Variants in PCDHGB2 observed in about 807,000 individuals in gnomAD.
PCDHGB2 encodes the protein protocadherin gamma subfamily B, 2.
Under a neutral mutation model 59.3 loss-of-function variants are expected in PCDHGB2, and 55 were observed. The ratio of observed to expected loss-of-function variants is 0.93; its 90% CI spans 0.75 to 1.16. The LOEUF (loss-of-function observed/expected upper bound fraction) is 1.16. PCDHGB2 is among the 50% of genes most tolerant of loss of function. The pLI is 0.00. For missense variants in PCDHGB2, 1,228 were observed against 1,198.5 expected (o/e 1.02, Z -0.36); for synonymous variants, 516 against 512.0 (o/e 1.01, Z -0.11).
chr5:141,423,775 T>A, intron 1 of PCDHGB2: 1 of 1,209,960 alleles, frequency 8.3e-7, no homozygotes, highest in Non-Finnish European at 1.1e-6. Context: ...GCGGCATATA[T>A]TTAGTTCATA....
At chr5:141,364,826 T>C in intron 1 of PCDHGB2, 1 of 1,613,980 alleles carries the variant, frequency 6.2e-7, no homozygotes, top group Non-Finnish European at 8.5e-7. Flanking sequence ...GGGTGTGAAC[T>C]CTCTCCGGAG....
intron 1 of PCDHGB2, chr5:141,373,862 A>G (rs1168900381): frequency 6.5e-6 from 3 of 464,904 alleles, no homozygotes; most frequent in Non-Finnish European, 1.1e-5. Flanking sequence ...GCTGTTGACC[A>G]ACCTGGGCAA....
intron 2 of PCDHGB2, among the ~76,000 whole-genome samples, chr5:141,497,126 C>T (rs565697662): frequency 8.2e-4 from 125 of 151,844 alleles, no homozygotes; most frequent in African/African-American, 3.0e-3. Flanking sequence ...GCAGAGGTTG[C>T]AGTGAGCTGA....
chr5:141,462,623 T>C (rs992165332), intron 1 of PCDHGB2, among the ~76,000 whole-genome samples: 3 of 150,992 alleles, frequency 2.0e-5, no homozygotes, highest in Non-Finnish European at 4.4e-5. Context: ...CTTTTAGAAG[T>C]TCCATTTGAC....
In PCDHGB2 at chr5:141,485,974, A is replaced by G. The variant is rs755735500; in HGVS notation, c.2422-8833A>G. 1.9e-6 allele frequency: 3 copies of G among 1,614,108 alleles called. No homozygotes were observed. The highest frequency in any genetic ancestry group is 1.7e-5 in the Admixed American group (1 of 60,014). On this transcript the variant is annotated intron_variant, in intron 1 of 3. Coordinates refer to ENST00000522605, the MANE Select transcript of PCDHGB2 (RefSeq NM_018923.3). This position sits in a 1 kb window ranked among gnomAD's most constrained non-coding sequence, Gnocchi z 5.7. ...TGGTGCTCATCCAGCTCAATGCCTC[A>G]GACCCGGACCTGGGTCCCAGTGGTA...
rs752147264 is a variant in PCDHGB2, at chr5:141,398,602, G to C, written c.2421+36046G>C. 8 of 1,613,936 alleles carry C rather than the reference G, an allele frequency of 5.0e-6. No individual in the cohort carries two copies. The East Asian group carries it at 1.6e-4, about 31-fold the overall frequency. On this transcript the variant is annotated intron_variant, in intron 1 of 3. Transcript: ENST00000522605. ...AAGATTTATACTAGAAGTAGCAGAA[G>C]ATGCAGATATTGGCTTAAACTCTCT...
intron 2 of PCDHGB2, among the ~76,000 whole-genome samples, chr5:141,502,472 A>G (rs1450967250): frequency 1.3e-5 from 2 of 150,886 alleles, no homozygotes; most frequent in Non-Finnish European, 2.9e-5. Flanking sequence ...TACTTCCCGC[A>G]GCATCACACT....
At chr5:141,401,721 C>T (rs2094186897) in intron 1 of PCDHGB2, among the ~76,000 whole-genome samples, 1 of 152,142 alleles carries the variant, frequency 6.6e-6, no homozygotes, top group Non-Finnish European at 1.5e-5. Flanking sequence ...AAGACAAAAA[C>T]TACTAGTCTT....
At chr5:141,409,545 A>G in intron 1 of PCDHGB2, 1 of 1,613,938 alleles carries the variant, frequency 6.2e-7, no homozygotes, top group African/African-American at 1.3e-5. Flanking sequence ...ATCAACGACA[A>G]CGCCCCAGTT....
chr5:141,373,352 G>A (rs1311109117), intron 1 of PCDHGB2, among the ~76,000 whole-genome samples: 5 of 152,178 alleles, frequency 3.3e-5, no homozygotes, highest in Non-Finnish European at 7.3e-5. Context: ...CTCTTGTAAT[G>A]GGCACTGTAA....
chr5:141,487,689 A>G lies in PCDHGB2; in HGVS notation c.2422-7118A>G. 6.2e-7 allele frequency: 1 copy of G among 1,605,144 alleles called. No homozygotes were observed. The highest frequency in any genetic ancestry group is 1.7e-4 in the Middle Eastern group (1 of 6,050). ...GGCATATGGCTAGGCCATGTCCTAG[A>G]GAGTACTGGCCTCTCAGTAAGTGCC... On this transcript the variant is annotated intron_variant, in intron 1 of 3. Coordinates refer to ENST00000522605, the MANE Select transcript of PCDHGB2 (RefSeq NM_018923.3). This position sits in a 1 kb window ranked among gnomAD's most constrained non-coding sequence, Gnocchi z 5.0.
chr5:141,431,582 G>A lies in PCDHGB2; in HGVS notation c.2422-63225G>A. On this transcript the variant is annotated intron_variant, in intron 1 of 3. Coordinates refer to ENST00000522605, the MANE Select transcript of PCDHGB2 (RefSeq NM_018923.3). The surrounding 1 kb of genome is among the most constrained non-coding windows in gnomAD (Gnocchi z 4.8). Reference sequence around the variant, plus strand: ...TACCGACCCTGACGAAGGAGTCAATGCGGAAGTGAGGTATTCCTTCCGGTA... The same window carrying A: ...TACCGACCCTGACGAAGGAGTCAATACGGAAGTGAGGTATTCCTTCCGGTA... The A allele has an allele frequency of 6.2e-7, 1 of 1,614,210 alleles. No homozygotes were observed. Among genetic ancestry groups the A allele is most frequent in the Non-Finnish European group, 8.5e-7 (1 of 1,180,036 alleles).
intron 2 of PCDHGB2, among the ~76,000 whole-genome samples, chr5:141,499,869 G>A (rs1247615457): frequency 3.3e-5 from 5 of 151,938 alleles, no homozygotes; most frequent in Non-Finnish European, 5.9e-5. Context: ...TGTATTTTCA[G>A]TACAAACAGG....
At chr5:141,478,497 C>T in intron 1 of PCDHGB2, 1 of 1,612,820 alleles carries the variant, frequency 6.2e-7, no homozygotes, top group Non-Finnish European at 8.5e-7. Context: ...AGCTGTGATC[C>T]GGTGTTCTAT....
chr5:141,369,203 TG>T (rs1766087260), intron 1 of PCDHGB2, among the ~76,000 whole-genome samples: 1 of 152,170 alleles, frequency 6.6e-6, no homozygotes, highest in Non-Finnish European at 1.5e-5. Context: ...GATGGTAAAC[TG>T]GGGACCAAGG....
chr5:141,495,973 A>C (rs2099764953), intron 2 of PCDHGB2, among the ~76,000 whole-genome samples: 1 of 146,988 alleles, frequency 6.8e-6, no homozygotes, highest in African/African-American at 2.5e-5. Context: ...TTTCTCTGTT[A>C]CTCTTTCTTT....
rs986276637 is a variant in PCDHGB2, at chr5:141,487,728, C to A, written c.2422-7079C>A. The A allele has an allele frequency of 3.2e-6, 5 of 1,570,444 alleles. No individual in the cohort carries two copies. The highest frequency in any genetic ancestry group is 2.3e-5 in the East Asian group (1 of 42,866). On this transcript the variant is annotated intron_variant, in intron 1 of 3. Transcript: ENST00000522605. The surrounding 1 kb of genome is among the most constrained non-coding windows in gnomAD (Gnocchi z 5.0). ...TCAGTAAGTGCCCATAGTGATGTCACCATTTTTGTAAGAGGTAACTATGTG... is the reference window on the plus strand; with the variant it reads ...TCAGTAAGTGCCCATAGTGATGTCAACATTTTTGTAAGAGGTAACTATGTG...
chr5:141,419,274 C>T lies in PCDHGB2; in HGVS notation c.2421+56718C>T, dbSNP rs755798236. 17 of 1,613,900 alleles carry T rather than the reference C, an allele frequency of 1.1e-5. No homozygotes were observed. Among genetic ancestry groups the T allele is most frequent in the African/African-American group, 1.3e-5 (1 of 74,948 alleles). ...AACAACCAGCCGGGTGCCTCCATAG[C>T]GCAAGTCAGTGCCTCTGACCCAGAC... is the stretch of plus-strand genomic sequence containing the variant. On this transcript the variant is annotated intron_variant, in intron 1 of 3. Transcript: ENST00000522605.
intron 1 of PCDHGB2, among the ~76,000 whole-genome samples, chr5:141,479,129 C>T (rs2099488562): frequency 6.6e-6 from 1 of 152,154 alleles, no homozygotes; most frequent in South Asian, 2.1e-4. Context: ...AAATGATGTG[C>T]ACCCTGCTTA....
Sources: gnomAD v4.1 joint callset for allele counts (sites outside exome capture counted in the v4.1 genomes callset) on GRCh38, gnomAD v4.1.1 for gene constraint, Gnocchi (gnomAD v3.1) non-coding constraint, MANE v1.5 for transcripts, NCBI Gene and HGNC (gene_info 2026-07-23, HGNC 2026-07-21) for gene names.